Variants in ABHD8 observed in about 807,000 individuals in gnomAD.
ABHD8 encodes abhydrolase domain containing 8, also known as protein ABHD8.
ABHD8 carries 10 observed loss-of-function variants against 29.3 expected under a neutral mutation model. That is an observed-to-expected ratio of 0.34 (90% CI 0.21 to 0.58). The LOEUF (loss-of-function observed/expected upper bound fraction) is 0.58, where lower values mean the gene tolerates loss of function less well. Ranked by LOEUF, ABHD8 falls within the 20% of genes least tolerant of loss-of-function variation. The pLI is 0.85. For missense variants in ABHD8, 556 were observed against 615.3 expected (o/e 0.90, Z 1.02); for synonymous variants, 282 against 274.6 (o/e 1.03, Z -0.27).
rs71334702 is a variant in ABHD8, at chr19:17,297,744, CTT to C, written c.762-2901_762-2900del. On this transcript the variant is annotated intron_variant, in intron 2 of 4. Transcript: ENST00000247706. ...TTATGTAACTTCTTTGTTTTCTTTTCTTTTTTTTTTTTTTTTACTTTTTAGTT... is the reference window on the plus strand; with the variant it reads ...TTATGTAACTTCTTTGTTTTCTTTTCTTTTTTTTTTTTTTACTTTTTAGTT... The C allele has an allele frequency of 1.4e-3, 180 of 130,190 alleles. 1 individual carries two copies. Among genetic ancestry groups the C allele is most frequent in the Non-Finnish European group, 2.0e-3 (117 of 59,916 alleles). 8.1% of individuals were successfully genotyped at this position (130,190 alleles called of 1,614,324 possible). A position where few individuals can be genotyped will look rare whatever the true frequency, so the allele number is the denominator to read the frequency against.
chr19:17,300,104 C>T (rs902631068), intron 2 of ABHD8, among the ~76,000 whole-genome samples: 1 of 151,650 alleles, frequency 6.6e-6, no homozygotes, highest in Non-Finnish European at 1.5e-5. Context: ...CAGGGTTTCA[C>T]CGTGTTAGCC....
chr19:17,295,997 C>T (rs969612129), intron 2 of ABHD8, among the ~76,000 whole-genome samples: 5 of 151,596 alleles, frequency 3.3e-5, no homozygotes, highest in African/African-American at 9.7e-5. Context: ...AGGCGTGAGC[C>T]GTGACACCCG....
Position 17,292,534 on chromosome 19 carries a change from C to A in ABHD8, c.*127G>T. 9.1e-6 allele frequency: 11 copies of A among 1,202,336 alleles called. No individual in the cohort carries two copies. Among genetic ancestry groups the A allele is most frequent in the Non-Finnish European group, 1.2e-5 (11 of 901,712 alleles). The allele number at this position is 1,202,336 out of a possible 1,614,324, so 74.5% of individuals were successfully genotyped here. A position where few individuals can be genotyped will look rare whatever the true frequency, so the allele number is the denominator to read the frequency against. The stretch of plus-strand genomic sequence containing the variant: ...CGCCCAGGCAGCCTGGGGGCGTCTC[C>A]CTGACCTGGCCCCGCCCACCGGAGC... On this transcript the variant is annotated 3_prime_UTR_variant, in exon 5 of 5. Transcript: ENST00000247706.
chr19:17,292,932 A>G (rs1373429996), intron 4 of ABHD8, 101 bp from the exon 5 acceptor site: 2 of 1,322,458 alleles, frequency 1.5e-6, no homozygotes, highest in Non-Finnish European at 1.0e-6. Flanking sequence ...ACAGCATCCA[A>G]AAGTCCCTCC....
chr19:17,302,087 C>G (rs953197558), intron 1 of ABHD8: 1 of 153,594 alleles, frequency 6.5e-6, no homozygotes, highest in Non-Finnish European at 1.4e-5. Context: ...AGCCACCGTG[C>G]ACTGACATGT....
At chr19:17,294,120 G>C (rs1444413186) in intron 4 of ABHD8, among the ~76,000 whole-genome samples, 168 bp downstream of exon 4, 2 of 152,010 alleles carry the variant, frequency 1.3e-5, no homozygotes, top group Non-Finnish European at 2.9e-5. Flanking sequence ...GTTTGCCTGG[G>C]GTCAGAACAA....
Position 17,294,503 on chromosome 19 carries a change from C to A in ABHD8, c.934G>T (p.Ala312Ser). 1 of 1,613,776 alleles carries A rather than the reference C, an allele frequency of 6.2e-7. No individual in the cohort carries two copies. Among genetic ancestry groups the A allele is most frequent in the Non-Finnish European group, 8.5e-7 (1 of 1,179,996 alleles). Residue 312 changes from alanine to serine, a missense_variant and splice_region_variant, in exon 4 of 5, where the codon GCC becomes TCC. Coordinates refer to ENST00000247706, the MANE Select transcript of ABHD8 (RefSeq NM_024527.5). ...TTGGCTCCTTGGCGGGCGAAGCCGGCCCTGGTGGTGGTGGAGGCACCGCTA... is the reference window on the plus strand; with the variant it reads ...TTGGCTCCTTGGCGGGCGAAGCCGGACCTGGTGGTGGTGGAGGCACCGCTA... ...SPCLAWSFLK[A>S]GFARQGAKEK...
At chr19:17,294,958 C>T in intron 2 of ABHD8, 113 bp from the exon 3 acceptor site, 2 of 1,323,514 alleles carry the variant, frequency 1.5e-6, no homozygotes, top group Non-Finnish European at 2.1e-6. Flanking sequence ...CAGTTTTACT[C>T]TGTCCCCCAG....
At chr19:17,299,905 T>C (rs376230350) in intron 2 of ABHD8, among the ~76,000 whole-genome samples, 157 of 94,616 alleles carry the variant, frequency 1.7e-3, no homozygotes, top group African/African-American at 3.6e-3. Context: ...TGGTGGCCCC[T>C]TTTTTTTTTT....
chr19:17,297,922 T>TTC (rs2074100722), intron 2 of ABHD8: 1 of 149,704 alleles, frequency 6.7e-6, no homozygotes, highest in African/African-American at 2.5e-5. Context: ...TTTTTCTTTT[T>TTC]TTTTTTTTTT....
rs1372803110 is a variant in ABHD8 at position 17,300,915 on chromosome 19, C to T, written c.702G>A (p.Met234Ile). ...AYTFYALAED[M>I]RAIFKRYAKK... ...TGGCATAGCGCTTGAAGATTGCTCGCATGTCCTCAGCCAGCGCATAGAAGG... is the reference window on the plus strand; with the variant it reads ...TGGCATAGCGCTTGAAGATTGCTCGTATGTCCTCAGCCAGCGCATAGAAGG... Residue 234 changes from methionine to isoleucine, a missense_variant, in exon 2 of 5, where the codon ATG becomes ATA. This residue lies in a region of ABHD8 where 270 missense variants were observed against 353.9 expected (regional missense o/e 0.76). Coordinates refer to ENST00000247706, the MANE Select transcript of ABHD8 (RefSeq NM_024527.5). 6.2e-7 allele frequency: 1 copy of T among 1,610,082 alleles called. No homozygotes were observed. The highest frequency in any genetic ancestry group is 1.7e-5 in the Admixed American group (1 of 59,488).
At chr19:17,299,109 T>C (rs1297865449) in intron 2 of ABHD8, among the ~76,000 whole-genome samples, 1 of 152,072 alleles carries the variant, frequency 6.6e-6, no homozygotes, top group African/African-American at 2.4e-5. Context: ...TCTGATTACA[T>C]ATGCTAATGG....
chr19:17,292,547 CG>C lies in ABHD8; in HGVS notation c.*113del. ...TGGGGGCGTCTCCCTGACCTGGCCCCGCCCACCGGAGCGAACGGCCCGCCCA... is the reference window on the plus strand; with the variant it reads ...TGGGGGCGTCTCCCTGACCTGGCCCCCCCACCGGAGCGAACGGCCCGCCCA... On this transcript the variant is annotated 3_prime_UTR_variant, in exon 5 of 5. Coordinates refer to ENST00000247706, the MANE Select transcript of ABHD8 (RefSeq NM_024527.5). 1 of 1,279,174 alleles carries C rather than the reference CG, an allele frequency of 7.8e-7. No individual in the cohort carries two copies. Among genetic ancestry groups the C allele is most frequent in the Non-Finnish European group, 1.0e-6 (1 of 972,544 alleles). The allele number at this position is 1,279,174 out of a possible 1,614,324, so 79.2% of individuals were successfully genotyped here. A position where few individuals can be genotyped will look rare whatever the true frequency, so the allele number is the denominator to read the frequency against.
intron 1 of ABHD8, 138 bp from the exon 2 acceptor site, chr19:17,301,762 T>C: frequency 2.0e-6 from 2 of 1,023,260 alleles, no homozygotes; most frequent in Non-Finnish European, 2.6e-6. Flanking sequence ...GCCACGGCAC[T>C]GAGATTTTTT....
chr19:17,296,994 C>CA (rs937816994), intron 2 of ABHD8, among the ~76,000 whole-genome samples: 5 of 151,994 alleles, frequency 3.3e-5, no homozygotes, highest in African/African-American at 1.2e-4. Flanking sequence ...CGTGCCTGGC[C>CA]AAAAAATGTT....
rs1040136576 is a variant in ABHD8, at chr19:17,292,372, G to T, written c.*289C>A. The T allele has an allele frequency of 1.5e-4, 64 of 441,030 alleles. No individual in the cohort carries two copies. Among genetic ancestry groups the T allele is most frequent in the African/African-American group, 1.3e-3 (61 of 48,686 alleles). 27.3% of individuals were successfully genotyped at this position (441,030 alleles called of 1,614,324 possible). ...GGGGCCTGCCTTGGCCGTGGCGTTG[G>T]GGGGAAGGTGAGGGAGAGCTTCTGT... On this transcript the variant is annotated 3_prime_UTR_variant, in exon 5 of 5. Coordinates refer to ENST00000247706, the MANE Select transcript of ABHD8 (RefSeq NM_024527.5).
At chr19:17,295,069 G>A (rs1022006230) in intron 2 of ABHD8, among the ~76,000 whole-genome samples, 15 of 144,236 alleles carry the variant, frequency 1.0e-4, no homozygotes, top group Non-Finnish European at 1.5e-4. Flanking sequence ...GATTGCAGGC[G>A]CACACCACCA....
chr19:17,295,738 G>A (rs760275926), intron 2 of ABHD8, among the ~76,000 whole-genome samples: 58 of 152,178 alleles, frequency 3.8e-4, no homozygotes, highest in Non-Finnish European at 2.2e-4. Context: ...ACAAGGTTTC[G>A]CTGTCGCCTA....
chr19:17,295,769 G>C (rs550463390), intron 2 of ABHD8, among the ~76,000 whole-genome samples: 1 of 152,124 alleles, frequency 6.6e-6, no homozygotes, highest in Non-Finnish European at 1.5e-5. Context: ...GTGCGGTGGC[G>C]TAATCATAGC....
Sources: gnomAD v4.1 joint callset for allele counts (sites outside exome capture counted in the v4.1 genomes callset) on GRCh38, gnomAD v4.1.1 for gene constraint, gnomAD v4.1.1 regional missense constraint, MANE v1.5 for transcripts, NCBI Gene and HGNC (gene_info 2026-07-23, HGNC 2026-07-21) for gene names.